ATG5: variants seen among roughly 807,000 people sequenced by gnomAD.
ATG5 encodes the protein autophagy related 5.
A neutral mutation model predicts 36.5 loss-of-function variants in ATG5; 14 were observed. The observed-to-expected ratio is 0.38, with a 90% CI of 0.25 to 0.60. The LOEUF is 0.60. Ranked by LOEUF, ATG5 falls within the 20% of genes least tolerant of loss-of-function variation. The probability of loss-of-function intolerance (pLI) is 0.60; values close to 1 mark genes in which losing one functional copy is unlikely to be tolerated. For missense variants in ATG5, 195 were observed against 326.7 expected (o/e 0.60, Z 3.11); for synonymous variants, 95 against 101.5 (o/e 0.94, Z 0.38).
At chr6:106,219,751 C>T (rs1223680657) in intron 6 of ATG5, among the ~76,000 whole-genome samples, 1 of 152,124 alleles carries the variant, frequency 6.6e-6, no homozygotes, top group Non-Finnish European at 1.5e-5. Flanking sequence ...ATTCAGGATT[C>T]ACATTATTTC....
chr6:106,223,168 A>T (rs1562220556), intron 6 of ATG5, among the ~76,000 whole-genome samples: 2 of 152,216 alleles, frequency 1.3e-5, no homozygotes, highest in Non-Finnish European at 2.9e-5. Context: ...AGCATTTCCT[A>T]AAAAAGTTCT....
At chr6:106,282,047 T>C (rs1178986872) in intron 4 of ATG5, among the ~76,000 whole-genome samples, 3 of 152,252 alleles carry the variant, frequency 2.0e-5, no homozygotes, top group Non-Finnish European at 2.9e-5. Flanking sequence ...AATTTTATGG[T>C]TGCATATGTA....
At chr6:106,259,435 C>T (rs1490416648) in intron 5 of ATG5, among the ~76,000 whole-genome samples, 3 of 152,170 alleles carry the variant, frequency 2.0e-5, no homozygotes, top group Non-Finnish European at 2.9e-5. Context: ...TTTTCATTTA[C>T]AGCTCAGATA....
At chr6:106,290,527 G>C (rs1259433711) in intron 4 of ATG5, among the ~76,000 whole-genome samples, 1 of 151,546 alleles carries the variant, frequency 6.6e-6, no homozygotes, top group African/African-American at 2.4e-5. Context: ...ACGTTGCCCA[G>C]GCTGGTCTCA....
chr6:106,267,446 T>A (rs910819724), intron 5 of ATG5, among the ~76,000 whole-genome samples: 1 of 152,218 alleles, frequency 6.6e-6, no homozygotes, highest in South Asian at 2.1e-4. Flanking sequence ...GCTATTCCCA[T>A]CAAGCTACCA....
chr6:106,186,680 T>C lies in ATG5; in HGVS notation c.692-4A>G, dbSNP rs763881439. 5 of 1,612,942 alleles carry C rather than the reference T, an allele frequency of 3.1e-6. No homozygotes were observed. The South Asian group carries it at 5.5e-5, about 18-fold the overall frequency. On this transcript the variant is annotated splice_region_variant and splice_polypyrimidine_tract_variant and intron_variant, in intron 7 of 7. Coordinates refer to ENST00000369076, the MANE Select transcript of ATG5 (RefSeq NM_004849.4). ...ACTTGATTCTTTTTTTCCCCATCTATTCCAAGAAAGAAACCCAACAACAAT... is the reference window on the plus strand; with the variant it reads ...ACTTGATTCTTTTTTTCCCCATCTACTCCAAGAAAGAAACCCAACAACAAT...
intron 5 of ATG5, among the ~76,000 whole-genome samples, chr6:106,252,671 AT>A (rs1778639990): frequency 1.3e-5 from 2 of 152,300 alleles, no homozygotes; most frequent in East Asian, 3.9e-4. Context: ...CATGTCTAAA[AT>A]CCCCCACGGG....
At chr6:106,285,528 T>G (rs563169439) in intron 4 of ATG5, among the ~76,000 whole-genome samples, 1 of 152,312 alleles carries the variant, frequency 6.6e-6, no homozygotes, top group Admixed American at 6.5e-5. Context: ...GCAGCTCTCC[T>G]TAATCCTAAA....
intron 5 of ATG5, among the ~76,000 whole-genome samples, chr6:106,259,512 A>G (rs1156942167): frequency 2.0e-5 from 3 of 152,218 alleles, no homozygotes; most frequent in South Asian, 2.1e-4. Context: ...TACTGGTGAG[A>G]ATGAGCTGTA....
At chr6:106,228,646 C>T (rs1440022006) in intron 6 of ATG5, among the ~76,000 whole-genome samples, 3 of 152,062 alleles carry the variant, frequency 2.0e-5, no homozygotes, top group Admixed American at 6.6e-5. Context: ...AACAATTTGG[C>T]GACCACAAAG....
At chr6:106,249,827 T>C (rs1402647664) in intron 5 of ATG5, among the ~76,000 whole-genome samples, 2 of 152,254 alleles carry the variant, frequency 1.3e-5, no homozygotes, top group Non-Finnish European at 2.9e-5. Context: ...AAGTATCTCA[T>C]TGTGGTTTTG....
At chr6:106,277,883 T>G (rs1582644463) in intron 5 of ATG5, among the ~76,000 whole-genome samples, 1 of 152,128 alleles carries the variant, frequency 6.6e-6, no homozygotes, top group Admixed American at 6.5e-5. Context: ...ATCCTAATAT[T>G]TATTTAGTAC....
rs1779056182 is a variant in ATG5 at position 106,262,363 on chromosome 6, C to T, written c.479-14119G>A. On this transcript the variant is annotated intron_variant, in intron 5 of 7. Coordinates refer to ENST00000369076, the MANE Select transcript of ATG5 (RefSeq NM_004849.4). ...ACAGGCATGAGCCACTGCACCCGGC[C>T]GGTCTAGGGTATATTTCTAATCAGT... 1.3e-5 allele frequency among the ~76,000 whole-genome samples: 2 copies of T among 152,182 alleles called. 1 individual carries two copies. Among genetic ancestry groups the T allele is most frequent in the South Asian group, 4.1e-4 (2 of 4,822 alleles).
intron 1 of ATG5, among the ~76,000 whole-genome samples, chr6:106,323,086 G>A (rs1408295307): frequency 1.3e-5 from 2 of 150,972 alleles, no homozygotes; most frequent in African/African-American, 4.9e-5. Flanking sequence ...GCTCGGGTTT[G>A]TTTTTTTTGT....
intron 6 of ATG5, among the ~76,000 whole-genome samples, chr6:106,236,632 T>C (rs1332494300): frequency 6.6e-6 from 1 of 152,214 alleles, no homozygotes; most frequent in African/African-American, 2.4e-5. Context: ...CATTCCTATA[T>C]CTTTTGTGAA....
intron 6 of ATG5, among the ~76,000 whole-genome samples, chr6:106,238,773 T>G (rs1439902496): frequency 1.3e-5 from 2 of 152,142 alleles, no homozygotes; most frequent in Non-Finnish European, 2.9e-5. Flanking sequence ...TAAATAAGTA[T>G]CTTTGAAATA....
chr6:106,271,057 T>A (rs180678810), intron 5 of ATG5, among the ~76,000 whole-genome samples: 13 of 152,212 alleles, frequency 8.5e-5, no homozygotes, highest in Admixed American at 2.6e-4. Flanking sequence ...ACAGCTCTTA[T>A]ATCATATTCT....
intron 6 of ATG5, among the ~76,000 whole-genome samples, chr6:106,243,532 A>G (rs1169416918): frequency 5.9e-5 from 6 of 100,902 alleles, no homozygotes; most frequent in African/African-American, 1.9e-4. Context: ...TCTCTGGGGA[A>G]AAAAAAAAAA....
At chr6:106,195,035 T>G (rs1427549761) in intron 7 of ATG5, among the ~76,000 whole-genome samples, 1 of 152,144 alleles carries the variant, frequency 6.6e-6, no homozygotes, top group Non-Finnish European at 1.5e-5. Context: ...TCCTGTTACC[T>G]CCAACTTGAC....
Sources: allele counts gnomAD v4.1 joint callset (sites outside exome capture counted in the v4.1 genomes callset), GRCh38; gene constraint gnomAD v4.1.1; transcripts MANE v1.5; gene names NCBI Gene and HGNC (gene_info 2026-07-23, HGNC 2026-07-21).